The following MEAK7 variants were observed in gnomAD, a reference collection of about 807,000 sequenced individuals.
MEAK7 encodes MTOR associated protein MEAK7.
In MEAK7, 68 loss-of-function variants were observed where a neutral mutation model predicts 40.5. That is an observed-to-expected ratio of 1.68 (90% CI 1.38 to 2.06). MEAK7 has a LOEUF of 2.06. Ranked by LOEUF, MEAK7 falls within the 30% of genes most tolerant of loss-of-function variation. The probability of loss-of-function intolerance (pLI) is 0.00; values close to 1 mark genes in which losing one functional copy is unlikely to be tolerated. For synonymous variants in MEAK7, 338 were observed against 231.9 expected (o/e 1.46, Z -4.16); for missense variants, 918 against 580.5 (o/e 1.58, Z -5.98).
At chr16:84,493,062 T>A (rs750464680) in intron 3 of MEAK7, among the ~76,000 whole-genome samples, 2 of 152,236 alleles carry the variant, frequency 1.3e-5, no homozygotes, top group Non-Finnish European at 2.9e-5. Flanking sequence ...TGAAATGGTG[T>A]TTAACCATCT....
At position 84,482,132 on chromosome 16, in the gene MEAK7, C is replaced by A. The variant is rs73249729; in HGVS notation, c.1077+460G>T. Reference sequence around the variant, plus strand: ...CTTCCCCCTGCTTCCTGTGCCATGTCACCAAGCTGAAGCGAGGGCTGGACA... The same window carrying A: ...CTTCCCCCTGCTTCCTGTGCCATGTAACCAAGCTGAAGCGAGGGCTGGACA... On this transcript the variant is annotated intron_variant, in intron 6 of 7. Coordinates refer to ENST00000343629, the MANE Select transcript of MEAK7 (RefSeq NM_020947.4). Among the ~76,000 whole-genome samples the A allele has an allele frequency of 4.2e-3, 639 of 152,212 alleles. 4 individuals carry two copies. The highest frequency in any genetic ancestry group is 0.015 in the African/African-American group (613 of 41,534).
intron 4 of MEAK7, chr16:84,488,068 C>G (rs1913249349): frequency 6.6e-6 from 1 of 152,048 alleles, no homozygotes; most frequent in Non-Finnish European, 1.5e-5. Context: ...ATTCAAAATT[C>G]CTATCATTTC....
intron 6 of MEAK7, among the ~76,000 whole-genome samples, chr16:84,482,011 G>T (rs1182459191): frequency 4.6e-5 from 7 of 152,240 alleles, no homozygotes; most frequent in Non-Finnish European, 1.0e-4. Context: ...GCAGGAGCAA[G>T]CTGAGCTTCG....
chr16:84,501,731 A>T (rs548414039), intron 1 of MEAK7, among the ~76,000 whole-genome samples: 1 of 152,250 alleles, frequency 6.6e-6, no homozygotes, highest in East Asian at 1.9e-4. Context: ...GGCAGCCCCT[A>T]AGAACACAGC....
Position 84,478,411 on chromosome 16 carries a change from G to C in MEAK7, c.*1502C>G, listed in dbSNP as rs1284721508. ...AGTGGAAGGTTTGATGAACCTCCCA[G>C]TAGAAAATGCAAGGCCTGCAAAAAT... is the stretch of plus-strand genomic sequence containing the variant. On this transcript the variant is annotated 3_prime_UTR_variant, in exon 8 of 8. Transcript: ENST00000343629. 6.6e-6 allele frequency: 1 copy of C among 152,240 alleles called. No individual in the cohort carries two copies. Among genetic ancestry groups the C allele is most frequent in the South Asian group, 2.1e-4 (1 of 4,832 alleles). 9.4% of individuals were successfully genotyped at this position (152,240 alleles called of 1,614,324 possible).
rs113746582 is a variant in MEAK7, at chr16:84,479,954, G to C, written c.1330C>G (p.Arg444Gly). ...QALLEISGHS[R>G]HSEGLREVPD... is the part of the protein sequence containing the mutation. ...ACTTCCCGGAGCCCTTCGCTGTGGC[G>C]CGAATGCCCACTGATCTCCAGCAGG... The change falls in exon 8 of 8, where the codon CGC becomes GGC. Residue 444 changes from arginine (R) to glycine (G), a missense_variant. Transcript: ENST00000343629. The C allele has an allele frequency of 1.9e-6, 3 of 1,609,502 alleles. No homozygotes were observed. The highest frequency in any genetic ancestry group is 4.5e-5 in the East Asian group (2 of 44,708).
chr16:84,503,451 C>T (rs1052995084), intron 1 of MEAK7, among the ~76,000 whole-genome samples: 1 of 152,162 alleles, frequency 6.6e-6, no homozygotes, highest in Non-Finnish European at 1.5e-5. Context: ...TTCCCACTTG[C>T]CCATGCTATA....
chr16:84,489,247 G>C lies in MEAK7; in HGVS notation c.529+31C>G, dbSNP rs756007221. 5.6e-6 allele frequency: 9 copies of C among 1,609,414 alleles called. No individual in the cohort carries two copies. In the East Asian group the frequency reaches 8.9e-5, roughly 16 times the overall value. On this transcript the variant is annotated intron_variant, in intron 4 of 7. Coordinates refer to ENST00000343629, the MANE Select transcript of MEAK7 (RefSeq NM_020947.4). ...CAGCAGGTACCGCTCTACAGCAAAA[G>C]ACCTGCATCACCGCGTCCACGCACA...
chr16:84,482,157 A>G (rs1353018793), intron 6 of MEAK7, among the ~76,000 whole-genome samples: 1 of 152,072 alleles, frequency 6.6e-6, no homozygotes, highest in African/African-American at 2.4e-5. Flanking sequence ...AGGGCTGGAC[A>G]GGAGCCACGG....
intron 3 of MEAK7, among the ~76,000 whole-genome samples, chr16:84,495,400 A>G (rs1283039544): frequency 6.6e-6 from 1 of 152,174 alleles, no homozygotes; most frequent in East Asian, 1.9e-4. Flanking sequence ...CTTCCTCTTA[A>G]CAAAATATGG....
chr16:84,501,156 G>A (rs1343295133), intron 1 of MEAK7, among the ~76,000 whole-genome samples: 6 of 150,698 alleles, frequency 4.0e-5, no homozygotes, highest in East Asian at 1.9e-4. Flanking sequence ...GCATGGGGAT[G>A]GGTGTGGCCT....
At chr16:84,504,525 T>G (rs1251177986) in intron 1 of MEAK7, 76 bp downstream of exon 1, 2 of 909,154 alleles carry the variant, frequency 2.2e-6, no homozygotes. Flanking sequence ...TCTGGACCCG[T>G]CTGCTCCAGT....
At position 84,495,845 on chromosome 16, in the gene MEAK7, G is replaced by A. The variant is rs777255473; in HGVS notation, c.222C>T (p.Asp74=). ...TGGGTCCCTTCGCCTTCCCTGTCAGGTCGACCCTCCGCATGCCATCATACA... is the reference window on the plus strand; with the variant it reads ...TGGGTCCCTTCGCCTTCCCTGTCAGATCGACCCTCCGCATGCCATCATACA... The part of the protein sequence containing the change: ...TRLYDGMRRV[D]LTGKAKGPSE... The change falls in exon 3 of 8, where the codon GAC becomes GAT. Residue 74 remains aspartate (D), a synonymous_variant. Coordinates refer to ENST00000343629, the MANE Select transcript of MEAK7 (RefSeq NM_020947.4). The A allele has an allele frequency of 7.4e-6, 12 of 1,613,914 alleles. No individual in the cohort carries two copies. In the East Asian group the frequency reaches 2.2e-4, roughly 30 times the overall value.
chr16:84,497,392 T>G (rs1164635734), intron 2 of MEAK7: 4 of 1,266,568 alleles, frequency 3.2e-6, no homozygotes, highest in South Asian at 1.3e-5. Flanking sequence ...AGGAATATCA[T>G]GAAATTCCTA....
intron 5 of MEAK7, chr16:84,486,323 T>C (rs1597934374): frequency 1.8e-6 from 1 of 557,316 alleles, no homozygotes; most frequent in East Asian, 6.0e-5. Flanking sequence ...CTGAACCAAT[T>C]ACCATCTCCT....
intron 1 of MEAK7, among the ~76,000 whole-genome samples, chr16:84,498,921 C>G (rs1445443533): frequency 6.6e-6 from 1 of 152,148 alleles, no homozygotes; most frequent in African/African-American, 2.4e-5. Context: ...CTTGGGCAAG[C>G]TACTAAAACG....
rs1290266249 is a variant in MEAK7, at chr16:84,486,746, C to G, written c.843G>C (p.Gln281His). ...CCCGGTGAGTGATGTGGCCACAGAGCTGGGAGAAGCTGTGTCCATGGAGCT... is the reference window on the plus strand; with the variant it reads ...CCCGGTGAGTGATGTGGCCACAGAGGTGGGAGAAGCTGTGTCCATGGAGCT... ...SSELHGHSFS[Q>H]LCGHITHRGP... Residue 281 changes from glutamine (Q) to histidine (H), a missense_variant, in exon 5 of 8, where the codon CAG (glutamine) becomes CAC (histidine). Physicochemically the swap from Gln to His is conservative, Grantham distance 24. Coordinates refer to ENST00000343629, the MANE Select transcript of MEAK7 (RefSeq NM_020947.4). 18 of 1,614,008 alleles carry G rather than the reference C, an allele frequency of 1.1e-5. No homozygotes were observed. Among genetic ancestry groups the G allele is most frequent in the Non-Finnish European group, 1.5e-5 (18 of 1,179,894 alleles).
chr16:84,484,855 CAG>C (rs771817663), intron 5 of MEAK7, among the ~76,000 whole-genome samples: 1 of 152,186 alleles, frequency 6.6e-6, no homozygotes, highest in Non-Finnish European at 1.5e-5. Flanking sequence ...CGTACTGCAA[CAG>C]AATGAACTCG....
At chr16:84,482,304 A>C (rs1912629578) in intron 6 of MEAK7, among the ~76,000 whole-genome samples, 3 of 152,200 alleles carry the variant, frequency 2.0e-5, no homozygotes, top group Non-Finnish European at 2.9e-5. Flanking sequence ...CTAGCCACAA[A>C]GGCTACAAAC....
Sources: gnomAD v4.1 joint callset for allele counts (sites outside exome capture counted in the v4.1 genomes callset) on GRCh38, gnomAD v4.1.1 for gene constraint, MANE v1.5 for transcripts, NCBI Gene and HGNC (gene_info 2026-07-23, HGNC 2026-07-21) for gene names.